UBR4: variants seen among roughly 807,000 people sequenced by gnomAD.
The protein encoded by UBR4 is E3 ubiquitin-protein ligase UBR4.
In UBR4, 124 loss-of-function variants were observed where a neutral mutation model predicts 575.6. That is an observed-to-expected ratio of 0.22 (90% CI 0.19 to 0.25). The LOEUF (loss-of-function observed/expected upper bound fraction) is 0.25, where lower values mean the gene tolerates loss of function less well. Among genes scored for constraint, UBR4 ranks in the 10% least tolerant of loss-of-function variants. The probability of loss-of-function intolerance (pLI) is 1.00; values close to 1 mark genes in which losing one functional copy is unlikely to be tolerated. For missense variants in UBR4, 4,818 were observed against 6,478.8 expected (o/e 0.74, Z 8.80); for synonymous variants, 2,455 against 2,473.7 (o/e 0.99, Z 0.22).
At chr1:19,175,196 C>T (rs2090091449) in intron 20 of UBR4, among the ~76,000 whole-genome samples, 163 bp from the exon 21 acceptor site, 1 of 152,124 alleles carries the variant, frequency 6.6e-6, no homozygotes, top group South Asian at 2.1e-4. Flanking sequence ...CCATCTTATG[C>T]ACTCTAGGTG....
At chr1:19,155,764 C>T in intron 42 of UBR4, 96 bp from the exon 43 acceptor site, 5 of 1,023,834 alleles carry the variant, frequency 4.9e-6, no homozygotes, top group Non-Finnish European at 7.4e-6. Flanking sequence ...TGACCAATAA[C>T]AGGCATTCAT....
At chr1:19,076,166 G>C (rs2075918122) in intron 105 of UBR4, among the ~76,000 whole-genome samples, 2 of 152,188 alleles carry the variant, frequency 1.3e-5, no homozygotes, top group African/African-American at 4.8e-5. Flanking sequence ...TGACAAATTT[G>C]TTACACAAAG....
At chr1:19,149,568 C>A (rs1300600869) in intron 49 of UBR4, among the ~76,000 whole-genome samples, 2 of 152,062 alleles carry the variant, frequency 1.3e-5, no homozygotes, top group African/African-American at 4.8e-5. Context: ...ATGGCCAACA[C>A]CAAGAGTGCA....
chr1:19,150,583 A>G lies in UBR4; in HGVS notation c.7424T>C (p.Leu2475Pro). The change falls in exon 49 of 106, where the codon CTG (leucine) becomes CCG (proline). Residue 2475 changes from leucine to proline, a missense_variant. Transcript: ENST00000375254. ...AAPTTTSGTV[L>P]ERLVVSSLEA... ...CCCCTGCCAGCACTGGTACCTCTCC[A>G]GGACAGTTCCACTGGTCGTAGTGGG... 6.2e-7 allele frequency: 1 copy of G among 1,613,078 alleles called. No homozygotes were observed. Among genetic ancestry groups the G allele is most frequent in the Non-Finnish European group, 8.5e-7 (1 of 1,180,030 alleles).
In UBR4 at chr1:19,141,574, GA is replaced by G. The variant is rs761747358; in HGVS notation, c.8311-51del. 87 of 1,598,188 alleles carry G rather than the reference GA, an allele frequency of 5.4e-5. No homozygotes were observed. In the East Asian group the frequency reaches 1.9e-3, roughly 35 times the overall value. On this transcript the variant is annotated intron_variant, in intron 56 of 105. Transcript: ENST00000375254. ...GTCCCATGGTAAGTGGTAACTTTTG[GA>G]AGTCCACTGAATAAGAGCTAGAGGA...
At chr1:19,121,558 C>G (rs2081181961) in intron 67 of UBR4, 124 bp from the exon 68 acceptor site, 1 of 1,233,228 alleles carries the variant, frequency 8.1e-7, no homozygotes. Flanking sequence ...GCCATGTTCT[C>G]TCTGCTGGAC....
In UBR4 at chr1:19,089,010, C is replaced by T; in HGVS notation, c.14212-33G>A. ...TAAGAGACCAGAGAGACACATGCCTCCAATTATGTAGACAAACCTTCTTCC... is the reference window on the plus strand; with the variant it reads ...TAAGAGACCAGAGAGACACATGCCTTCAATTATGTAGACAAACCTTCTTCC... On this transcript the variant is annotated intron_variant, in intron 97 of 105. Coordinates refer to ENST00000375254, the MANE Select transcript of UBR4 (RefSeq NM_020765.3). The surrounding 1 kb of genome is among the most constrained non-coding windows in gnomAD (Gnocchi z 4.3). The T allele has an allele frequency of 1.9e-6, 3 of 1,604,292 alleles. No homozygotes were observed. Among genetic ancestry groups the T allele is most frequent in the Non-Finnish European group, 2.6e-6 (3 of 1,172,496 alleles).
At chr1:19,081,755 G>A (rs560611088) in intron 102 of UBR4, 182 bp from the exon 103 acceptor site, 27 of 753,502 alleles carry the variant, frequency 3.6e-5, no homozygotes, top group African/African-American at 1.2e-4. Context: ...CACGCCCTTC[G>A]TCCCCTTCCA....
rs78117652 is a variant in UBR4 at position 19,182,638 on chromosome 1, C to G, written c.2184+1173G>C. Reference sequence around the variant, plus strand: ...CCACATCCTCACCAACACTTACTTTCCATTTAATAACAGCCACCTAATGCG... The same window carrying G: ...CCACATCCTCACCAACACTTACTTTGCATTTAATAACAGCCACCTAATGCG... On this transcript the variant is annotated intron_variant, in intron 17 of 105. Coordinates refer to ENST00000375254, the MANE Select transcript of UBR4 (RefSeq NM_020765.3). Among the ~76,000 whole-genome samples the G allele has an allele frequency of 4.8e-3, 731 of 152,300 alleles. 19 individuals carry two copies. In the East Asian group the frequency reaches 0.068, roughly 14 times the overall value.
At chr1:19,118,022 A>G in intron 71 of UBR4, 112 bp from the exon 72 acceptor site, 1 of 949,702 alleles carries the variant, frequency 1.1e-6, no homozygotes, top group South Asian at 1.4e-5. Context: ...GTGAGCCCAA[A>G]GTGAGCCCCA....
intron 44 of UBR4, among the ~76,000 whole-genome samples, chr1:19,154,339 G>T (rs900281505): frequency 6.6e-6 from 1 of 152,200 alleles, no homozygotes; most frequent in African/African-American, 2.4e-5. Flanking sequence ...AATTCCCAAA[G>T]AAAGGTCTGA....
intron 39 of UBR4, among the ~76,000 whole-genome samples, chr1:19,158,478 C>G (rs2086764424): frequency 6.6e-6 from 1 of 151,704 alleles, no homozygotes; most frequent in African/African-American, 2.4e-5. Flanking sequence ...CAAGGTTTCT[C>G]TCTGTCACCC....
chr1:19,199,873 C>T, intron 2 of UBR4, 119 bp from the exon 3 acceptor site: 7 of 887,074 alleles, frequency 7.9e-6, no homozygotes, highest in Non-Finnish European at 1.2e-5. Context: ...TTATTCAGAG[C>T]CAAAAACCCA....
intron 7 of UBR4, 77 bp downstream of exon 7, chr1:19,197,593 C>T: frequency 6.4e-7 from 1 of 1,564,190 alleles, no homozygotes; most frequent in East Asian, 2.2e-5. Flanking sequence ...CACCCCTGCA[C>T]TCCAGCCTGG....
Position 19,097,311 on chromosome 1 carries a change from A to G in UBR4, c.13303-31T>C, listed in dbSNP as rs908489014. 3.7e-6 allele frequency: 6 copies of G among 1,602,100 alleles called. No homozygotes were observed. The African/African-American group carries it at 8.0e-5, about 21-fold the overall frequency. On this transcript the variant is annotated intron_variant, in intron 90 of 105. Transcript: ENST00000375254. The stretch of plus-strand genomic sequence containing the variant: ...CAGAGAAAGTTGGAGAAAGGTACTT[A>G]AAAACAGGCCCAGACAAATGCAAAG...
chr1:19,155,747 C>T (rs2086351472), intron 42 of UBR4, 79 bp from the exon 43 acceptor site: 5 of 1,208,174 alleles, frequency 4.1e-6, no homozygotes, highest in Non-Finnish European at 4.8e-6. Context: ...ATCCAAATAG[C>T]CGGAACTGAC....
rs1570460808 is a variant in UBR4, at chr1:19,100,681, G to GC, written c.13024-109dup. ...GAGGAAAACACACCAAACTCAGCAA[G>GC]CCCCCCAAACATTTAAAGATACAAA... is the stretch of plus-strand genomic sequence containing the variant. On this transcript the variant is annotated intron_variant, in intron 88 of 105. Coordinates refer to ENST00000375254, the MANE Select transcript of UBR4 (RefSeq NM_020765.3). The surrounding 1 kb of genome is among the most constrained non-coding windows in gnomAD (Gnocchi z 4.2). 6 of 1,054,738 alleles carry GC rather than the reference G, an allele frequency of 5.7e-6. No individual in the cohort carries two copies. The highest frequency in any genetic ancestry group is 1.6e-5 in the African/African-American group (1 of 63,216). The allele number at this position is 1,054,738 out of a possible 1,614,324, so 65.3% of individuals were successfully genotyped here.
chr1:19,144,962 T>G, intron 53 of UBR4, 55 bp from the exon 54 acceptor site: 2 of 1,602,786 alleles, frequency 1.2e-6, no homozygotes, highest in Non-Finnish European at 1.7e-6. Flanking sequence ...TCTAACTACT[T>G]GAGAGTCTGA....
At chr1:19,111,118 G>C (rs550648473) in intron 78 of UBR4, among the ~76,000 whole-genome samples, 1 of 152,180 alleles carries the variant, frequency 6.6e-6, no homozygotes, top group Non-Finnish European at 1.5e-5. Flanking sequence ...CCTGCTGTCT[G>C]GTGTGACACA....
Sources: allele counts gnomAD v4.1 joint callset (sites outside exome capture counted in the v4.1 genomes callset), GRCh38; gene constraint gnomAD v4.1.1; non-coding constraint Gnocchi (gnomAD v3.1); transcripts MANE v1.5; gene names NCBI Gene and HGNC (gene_info 2026-07-23, HGNC 2026-07-21).